The following ZBTB46 variants were observed in gnomAD, a reference collection of about 807,000 sequenced individuals.
ZBTB46 encodes zinc finger and BTB domain-containing protein 46.
ZBTB46 carries 8 observed loss-of-function variants against 44.1 expected under a neutral mutation model. That is an observed-to-expected ratio of 0.18 (90% CI 0.11 to 0.33). The LOEUF is 0.33. Among genes scored for constraint, ZBTB46 ranks in the 10% least tolerant of loss-of-function variants. The pLI is 1.00. For synonymous variants in ZBTB46, 409 were observed against 382.3 expected (o/e 1.07, Z -0.81); for missense variants, 651 against 847.7 (o/e 0.77, Z 2.88).
rs1462929341 is a variant in ZBTB46 at position 63,746,392 on chromosome 20, C to T, written c.*538G>A. ...TAAGACGGTGGCAGGGCTCTCTGTGCACCTGGATTCTACAGGCTGCCATGG... is the reference window on the plus strand; with the variant it reads ...TAAGACGGTGGCAGGGCTCTCTGTGTACCTGGATTCTACAGGCTGCCATGG... On this transcript the variant is annotated 3_prime_UTR_variant, in exon 5 of 5. Coordinates refer to ENST00000245663, the MANE Select transcript of ZBTB46 (RefSeq NM_001369741.1). 6.5e-6 allele frequency: 1 copy of T among 153,736 alleles called. No individual in the cohort carries two copies. The highest frequency in any genetic ancestry group is 1.5e-5 in the Non-Finnish European group (1 of 68,800). 9.5% of individuals were successfully genotyped at this position (153,736 alleles called of 1,614,324 possible).
At position 63,799,084 on chromosome 20, in the gene ZBTB46, G is replaced by A. The variant is rs540908719; in HGVS notation, c.-33-8294C>T. ...GTCACTCAGTCACCCAGGCTGGAGT[G>A]CAGTGGCATGATCAGGGCTCACTGC... is the stretch of plus-strand genomic sequence containing the variant. On this transcript the variant is annotated intron_variant, in intron 1 of 4. Coordinates refer to ENST00000245663, the MANE Select transcript of ZBTB46 (RefSeq NM_001369741.1). Among the ~76,000 whole-genome samples, 6 of 152,152 alleles carry A rather than the reference G, an allele frequency of 3.9e-5. No individual in the cohort carries two copies. The East Asian group carries it at 1.2e-3, about 30-fold the overall frequency.
intron 1 of ZBTB46, among the ~76,000 whole-genome samples, chr20:63,808,761 T>A (rs2092698551): frequency 6.6e-6 from 1 of 151,518 alleles, no homozygotes; most frequent in Non-Finnish European, 1.5e-5. Context: ...GATGGTGAGG[T>A]CAGGAGATCA....
At chr20:63,802,428 A>T (rs1281288327) in intron 1 of ZBTB46, among the ~76,000 whole-genome samples, 3 of 151,236 alleles carry the variant, frequency 2.0e-5, no homozygotes, top group Non-Finnish European at 2.9e-5. Flanking sequence ...TCAAAAAAAA[A>T]ACAATGAGGT....
intron 2 of ZBTB46, 126 bp from the exon 3 acceptor site, chr20:63,776,088 G>A: frequency 8.1e-7 from 1 of 1,235,440 alleles, no homozygotes; most frequent in East Asian, 2.8e-5. Flanking sequence ...ATCAAGTCCA[G>A]CCCACCCTGG....
chr20:63,822,158 C>A (rs1237841803), intron 1 of ZBTB46, among the ~76,000 whole-genome samples: 1 of 152,216 alleles, frequency 6.6e-6, no homozygotes, highest in African/African-American at 2.4e-5. Context: ...GGAACCGATA[C>A]ACTCCCGAAA....
intron 1 of ZBTB46, among the ~76,000 whole-genome samples, chr20:63,830,444 G>A (rs2092843020): frequency 6.6e-6 from 1 of 150,724 alleles, no homozygotes; most frequent in Admixed American, 6.6e-5. Context: ...CCCGCCCCGA[G>A]GCCCCTGCGC....
In ZBTB46 at chr20:63,782,782, G is replaced by A. The variant is rs79145767; in HGVS notation, c.938-6820C>T. Among the ~76,000 whole-genome samples the A allele has an allele frequency of 7.4e-3, 1,134 of 152,270 alleles. 17 individuals are homozygous for A. The highest frequency in any genetic ancestry group is 0.026 in the African/African-American group (1,088 of 41,562). ...CAGGACAAGGAGCAAAGCCAGAGAT[G>A]CAAGGACACCCTGCCGAGTGGCTGC... is the stretch of plus-strand genomic sequence containing the variant. On this transcript the variant is annotated intron_variant, in intron 2 of 4. Transcript: ENST00000245663.
chr20:63,783,595 G>C (rs1238757547), intron 2 of ZBTB46, among the ~76,000 whole-genome samples: 2 of 152,198 alleles, frequency 1.3e-5, no homozygotes, highest in African/African-American at 4.8e-5. Context: ...GCTGATTGCA[G>C]GTAATTCTGT....
intron 2 of ZBTB46, among the ~76,000 whole-genome samples, chr20:63,783,521 G>T (rs1212595368): frequency 1.3e-5 from 2 of 152,236 alleles, no homozygotes; most frequent in African/African-American, 4.8e-5. Flanking sequence ...ACGTTCCTGT[G>T]AAGGGTGTTA....
rs779085951 is a variant in ZBTB46 at position 63,752,877 on chromosome 20, C to A, written c.1223-16G>T. ...AACTCATTCACTGAAAGAGAGGGAC[C>A]CGCGAGGCGTCAGCAGGGCTTGGGA... On this transcript the variant is annotated splice_polypyrimidine_tract_variant and intron_variant, in intron 3 of 4. Transcript: ENST00000245663. The surrounding 1 kb of genome is among the most constrained non-coding windows in gnomAD (Gnocchi z 5.6). The A allele has an allele frequency of 9.9e-5, 157 of 1,585,800 alleles. No individual in the cohort carries two copies. The highest frequency in any genetic ancestry group is 1.3e-4 in the Non-Finnish European group (150 of 1,160,416).
At chr20:63,763,174 A>G (rs1414220818) in intron 3 of ZBTB46, among the ~76,000 whole-genome samples, 1 of 152,326 alleles carries the variant, frequency 6.6e-6, no homozygotes, top group African/African-American at 2.4e-5. Context: ...AATAGTTTTT[A>G]AAAACAGGCT....
rs1217168879 is a variant in ZBTB46 at position 63,803,254 on chromosome 20, T to C, written c.-33-12464A>G. ...CCCTCACACCAAGGCGTTCATGGTT[T>C]ACCTTCTTCTGAAAAAATTAAGGTT... On this transcript the variant is annotated intron_variant, in intron 1 of 4. Transcript: ENST00000245663. This position sits in a 1 kb window ranked among gnomAD's most constrained non-coding sequence, Gnocchi z 4.0. 2 of 966,506 alleles carry C rather than the reference T, an allele frequency of 2.1e-6. No individual in the cohort carries two copies. The highest frequency in any genetic ancestry group is 2.5e-6 in the Non-Finnish European group (2 of 812,886). The allele number at this position is 966,506 out of a possible 1,614,324, so 59.9% of individuals were successfully genotyped here.
intron 2 of ZBTB46, 59 bp downstream of exon 2, chr20:63,789,762 G>A (rs1473920747): frequency 1.3e-5 from 20 of 1,546,848 alleles, no homozygotes; most frequent in Admixed American, 1.8e-5. Context: ...CACAGCACGC[G>A]GCCGTGAGGC....
At chr20:63,766,332 C>T (rs1353010905) in intron 3 of ZBTB46, among the ~76,000 whole-genome samples, 1 of 151,346 alleles carries the variant, frequency 6.6e-6, no homozygotes, top group Admixed American at 6.6e-5. Context: ...TCTCCTGCCT[C>T]AGCCTCTCAA....
chr20:63,789,918 C>G lies in ZBTB46; in HGVS notation c.840G>C (p.Arg280=). 1 of 1,614,056 alleles carries G rather than the reference C, an allele frequency of 6.2e-7. No homozygotes were observed. Among genetic ancestry groups the G allele is most frequent in the Non-Finnish European group, 8.5e-7 (1 of 1,180,036 alleles). The part of the protein sequence containing the change: ...RKNRKNKETV[R]HITQQVEDDS... ...CATCTTCCACCTGCTGTGTGATGTG[C>G]CGGACGGTCTCTTTGTTTTTCCGAT... The change falls in exon 2 of 5, where the codon CGG becomes CGC. Residue 280 remains arginine, a synonymous_variant. Transcript: ENST00000245663.
At chr20:63,807,263 C>T (rs1486691573) in intron 1 of ZBTB46, among the ~76,000 whole-genome samples, 1 of 152,178 alleles carries the variant, frequency 6.6e-6, no homozygotes. Flanking sequence ...AGTACAATAA[C>T]TGTAGTGAAA....
At chr20:63,763,569 T>G (rs1327973413) in intron 3 of ZBTB46, among the ~76,000 whole-genome samples, 1 of 152,098 alleles carries the variant, frequency 6.6e-6, no homozygotes, top group Non-Finnish European at 1.5e-5. Context: ...CGACCGGATC[T>G]TGTGAGACCT....
chr20:63,775,570 G>A (rs2092418087), intron 3 of ZBTB46, 108 bp downstream of exon 3: 9 of 1,422,992 alleles, frequency 6.3e-6, no homozygotes, highest in South Asian at 4.3e-5. Flanking sequence ...GCAGGCGGCC[G>A]AGCAGCAGGG....
chr20:63,750,180 A>G (rs2092147285), intron 4 of ZBTB46, among the ~76,000 whole-genome samples: 1 of 152,232 alleles, frequency 6.6e-6, no homozygotes. Context: ...TCTCAGGTCC[A>G]GGACCCCAGA....
Sources: gnomAD v4.1 joint callset for allele counts (sites outside exome capture counted in the v4.1 genomes callset) on GRCh38, gnomAD v4.1.1 for gene constraint, Gnocchi (gnomAD v3.1) non-coding constraint, MANE v1.5 for transcripts, NCBI Gene and HGNC (gene_info 2026-07-23, HGNC 2026-07-21) for gene names.